Variants in TRIM23 observed in about 807,000 individuals in gnomAD.
TRIM23 encodes the protein E3 ubiquitin-protein ligase TRIM23.
A neutral mutation model predicts 71.0 loss-of-function variants in TRIM23; 27 were observed. The observed-to-expected ratio is 0.38, with a 90% CI of 0.28 to 0.52. TRIM23 has a LOEUF of 0.52. TRIM23 is among the 20% of genes least tolerant of loss of function. The probability of loss-of-function intolerance (pLI) is 0.84; values close to 1 mark genes in which losing one functional copy is unlikely to be tolerated. For missense variants in TRIM23, 482 were observed against 692.3 expected (o/e 0.70, Z 3.41); for synonymous variants, 234 against 238.0 (o/e 0.98, Z 0.16).
At chr5:65,622,200 C>T (rs1427351309) in intron 1 of TRIM23, among the ~76,000 whole-genome samples, 2 of 152,160 alleles carry the variant, frequency 1.3e-5, no homozygotes, top group Non-Finnish European at 2.9e-5. Flanking sequence ...GAGTCTCACT[C>T]TGTCACCCAG....
intron 7 of TRIM23, among the ~76,000 whole-genome samples, chr5:65,603,785 A>G (rs761880869): frequency 6.6e-6 from 1 of 152,226 alleles, no homozygotes; most frequent in African/African-American, 2.4e-5. Context: ...AGGTTTAAAT[A>G]TATCAACCAA....
rs1237634740 is a variant in TRIM23, at chr5:65,590,264, A to T, written c.*1505T>A. The T allele has an allele frequency of 8.7e-7, 1 of 1,150,370 alleles. No individual in the cohort carries two copies. The highest frequency in any genetic ancestry group is 1.3e-6 in the Non-Finnish European group (1 of 789,658). The allele number at this position is 1,150,370 out of a possible 1,614,324, so 71.3% of individuals were successfully genotyped here. A position where few individuals can be genotyped will look rare whatever the true frequency, so the allele number is the denominator to read the frequency against. On this transcript the variant is annotated 3_prime_UTR_variant, in exon 11 of 11. Transcript: ENST00000231524. Reference sequence around the variant, plus strand: ...ATAATTTAATTCGGAAGTATTATTTATGCACACAAACTACACCTGTAACAG... The same window carrying T: ...ATAATTTAATTCGGAAGTATTATTTTTGCACACAAACTACACCTGTAACAG...
chr5:65,590,785 A>C lies in TRIM23; in HGVS notation c.*984T>G, dbSNP rs1340541630. 1 of 985,232 alleles carries C rather than the reference A, an allele frequency of 1.0e-6. No individual in the cohort carries two copies. The highest frequency in any genetic ancestry group is 1.7e-5 in the African/African-American group (1 of 57,210). 61.0% of individuals were successfully genotyped at this position (985,232 alleles called of 1,614,324 possible). On this transcript the variant is annotated 3_prime_UTR_variant, in exon 11 of 11. Transcript: ENST00000231524. ...TCAAAATAAATGCACTTATTTTGGG[A>C]AACAGTTTGAAGTAAGTAATAAGCA... is the stretch of plus-strand genomic sequence containing the variant.
intron 10 of TRIM23, among the ~76,000 whole-genome samples, chr5:65,592,414 A>T (rs913256685): frequency 1.3e-5 from 2 of 152,052 alleles, no homozygotes; most frequent in Admixed American, 6.5e-5. Flanking sequence ...TTTAGTAGAG[A>T]TGAGGTTTCA....
chr5:65,611,975 C>A, intron 3 of TRIM23, 94 bp from the exon 4 acceptor site: 2 of 1,203,946 alleles, frequency 1.7e-6, no homozygotes, highest in South Asian at 1.6e-5. Flanking sequence ...TTTTGCTTAA[C>A]TGAACAATAT....
intron 7 of TRIM23, among the ~76,000 whole-genome samples, chr5:65,602,901 T>A (rs1220378889): frequency 6.6e-6 from 1 of 152,180 alleles, no homozygotes; most frequent in Non-Finnish European, 1.5e-5. Flanking sequence ...GTGGGAATTC[T>A]GGGAGATACA....
intron 6 of TRIM23, among the ~76,000 whole-genome samples, chr5:65,608,874 T>A (rs1239113885): frequency 6.6e-6 from 1 of 151,636 alleles, no homozygotes; most frequent in African/African-American, 2.4e-5. Context: ...AAGGCAAATA[T>A]TTAAGCTGGA....
intron 5 of TRIM23, 146 bp downstream of exon 5, chr5:65,610,715 T>A: frequency 1.7e-6 from 1 of 591,158 alleles, no homozygotes; most frequent in Non-Finnish European, 2.8e-6. Flanking sequence ...GATGAATGAG[T>A]TCCTGAAAGA....
chr5:65,618,351 C>T (rs1394180792), intron 1 of TRIM23, 96 bp from the exon 2 acceptor site: 1 of 1,277,934 alleles, frequency 7.8e-7, no homozygotes, highest in Non-Finnish European at 1.0e-6. Flanking sequence ...ATTGAATCAA[C>T]ATTGTTACTT....
At chr5:65,611,382 T>C (rs145582155) in intron 4 of TRIM23, among the ~76,000 whole-genome samples, 1 of 152,252 alleles carries the variant, frequency 6.6e-6, no homozygotes, top group Non-Finnish European at 1.5e-5. Context: ...TCGAAAGCTA[T>C]TTTTTTGTGA....
At chr5:65,609,144 A>C (rs1399877543) in intron 6 of TRIM23, 99 bp downstream of exon 6, 7 of 1,204,256 alleles carry the variant, frequency 5.8e-6, no homozygotes, top group Non-Finnish European at 8.3e-6. Context: ...TACTGCATAC[A>C]GCAGACACAA....
intron 3 of TRIM23, among the ~76,000 whole-genome samples, chr5:65,612,399 T>G (rs1420052440): frequency 6.6e-6 from 1 of 152,162 alleles, no homozygotes; most frequent in Non-Finnish European, 1.5e-5. Context: ...AATTCTTATT[T>G]CAACAGGTTG....
intron 1 of TRIM23, 83 bp downstream of exon 1, chr5:65,624,111 T>A: frequency 1.3e-6 from 2 of 1,571,318 alleles, no homozygotes; most frequent in Non-Finnish European, 8.7e-7. Flanking sequence ...TATCGAAGCC[T>A]GGGCCGCGGC....
chr5:65,605,959 C>T (rs1421323917), intron 6 of TRIM23, among the ~76,000 whole-genome samples: 1 of 152,158 alleles, frequency 6.6e-6, no homozygotes, highest in Non-Finnish European at 1.5e-5. Flanking sequence ...ACTTCTAATC[C>T]CCATTATCCA....
chr5:65,596,988 C>G (rs1228617994), intron 8 of TRIM23, 63 bp downstream of exon 8: 6 of 1,586,460 alleles, frequency 3.8e-6, no homozygotes, highest in Non-Finnish European at 5.1e-6. Context: ...CAAATAAGAC[C>G]CCAAGAACTT....
At chr5:65,595,427 G>A (rs1286742251) in intron 9 of TRIM23, among the ~76,000 whole-genome samples, 1 of 151,768 alleles carries the variant, frequency 6.6e-6, no homozygotes, top group Non-Finnish European at 1.5e-5. Flanking sequence ...GCATGGTGGT[G>A]GGCACCTGTA....
chr5:65,609,565 C>T (rs762766850), intron 5 of TRIM23, 107 bp from the exon 6 acceptor site: 74 of 1,227,428 alleles, frequency 6.0e-5, no homozygotes, highest in Non-Finnish European at 8.1e-5. Flanking sequence ...TCTGTCTCTA[C>T]AAAAAATGGA....
intron 1 of TRIM23, 135 bp from the exon 2 acceptor site, chr5:65,618,390 G>T: frequency 2.1e-6 from 2 of 958,692 alleles, no homozygotes; most frequent in South Asian, 3.1e-5. Flanking sequence ...AAACTATGTA[G>T]GTTGTAAAAT....
chr5:65,624,029 G>A (rs759544143), intron 1 of TRIM23, among the ~76,000 whole-genome samples, 165 bp downstream of exon 1: 1 of 152,238 alleles, frequency 6.6e-6, no homozygotes, highest in Non-Finnish European at 1.5e-5. Context: ...TCAGGCCATA[G>A]GAGAGAAAGG....
Sources: allele counts gnomAD v4.1 joint callset (sites outside exome capture counted in the v4.1 genomes callset), GRCh38; gene constraint gnomAD v4.1.1; transcripts MANE v1.5; gene names NCBI Gene and HGNC (gene_info 2026-07-23, HGNC 2026-07-21).